Variants in TENM2 observed in about 807,000 individuals in gnomAD.
The protein encoded by TENM2 is teneurin transmembrane protein 2, also known as teneurin-2.
TENM2 carries 52 observed loss-of-function variants against 245.2 expected under a neutral mutation model. The ratio of observed to expected loss-of-function variants is 0.21; its 90% CI spans 0.17 to 0.27. TENM2 has a LOEUF of 0.27. Among genes scored for constraint, TENM2 ranks in the 10% least tolerant of loss-of-function variants. The probability of loss-of-function intolerance (pLI) is 1.00; values close to 1 mark genes in which losing one functional copy is unlikely to be tolerated. For missense variants in TENM2, 3,046 were observed against 3,666.8 expected (o/e 0.83, Z 4.37); for synonymous variants, 1,363 against 1,438.9 (o/e 0.95, Z 1.19).
intron 2 of TENM2, among the ~76,000 whole-genome samples, chr5:167,591,908 A>G (rs973526725): frequency 6.6e-6 from 1 of 152,226 alleles, no homozygotes. Context: ...ATGCTTTGCA[A>G]TTTACACATA....
rs1269930483 is a variant in TENM2, at chr5:168,236,939, CATATATATATATATATATATATAT to C, written c.5521-7442_5521-7419del. Among the ~76,000 whole-genome samples, 150 of 33,618 alleles carry C rather than the reference CATATATATATATATATATATATAT, an allele frequency of 4.5e-3. 1 individual carries two copies. The highest frequency in any genetic ancestry group is 0.011 in the South Asian group (5 of 436). 22.1% of individuals were successfully genotyped at this position (33,618 alleles called of 152,430 possible). A position where few individuals can be genotyped will look rare whatever the true frequency, so the allele number is the denominator to read the frequency against. ...ATTTTGAGACCACAGATGTCCTAAT[CATATATATATATATATATATATAT>C]ATATATATATATATATATATATATA... On this transcript the variant is annotated intron_variant, in intron 25 of 28. Coordinates refer to ENST00000518659, the Ensembl canonical transcript of TENM2.
chr5:167,459,786 C>T (rs530045490), intron 2 of TENM2, among the ~76,000 whole-genome samples: 1 of 152,174 alleles, frequency 6.6e-6, no homozygotes, highest in South Asian at 2.1e-4. Flanking sequence ...ACATTGAAAA[C>T]ATAACCAATG....
intron 9 of TENM2, among the ~76,000 whole-genome samples, chr5:168,117,342 G>T (rs980697567): frequency 6.6e-6 from 1 of 152,040 alleles, no homozygotes; most frequent in Non-Finnish European, 1.5e-5. Context: ...CACTTTGAAG[G>T]AGGCACAATG....
At chr5:168,231,770 C>CA (rs1384431419) in intron 25 of TENM2, among the ~76,000 whole-genome samples, 1 of 149,304 alleles carries the variant, frequency 6.7e-6, no homozygotes, top group East Asian at 2.0e-4. Context: ...CAACAAACAA[C>CA]AACAACAACC....
At chr5:167,629,810 T>A (rs1778745809) in intron 2 of TENM2, among the ~76,000 whole-genome samples, 1 of 151,962 alleles carries the variant, frequency 6.6e-6, no homozygotes, top group Non-Finnish European at 1.5e-5. Context: ...ACCCAGAGTG[T>A]GTTATAATCA....
At chr5:167,171,773 C>T in the TENM2 span, among the ~76,000 whole-genome samples, 2 of 152,108 alleles carry the variant, frequency 1.3e-5, no homozygotes, top group African/African-American at 4.8e-5. Context: ...TTCTCTTTTG[C>T]CTTCTGAACT....
the TENM2 span, among the ~76,000 whole-genome samples, chr5:167,175,277 A>G: frequency 1.3e-5 from 2 of 152,226 alleles, no homozygotes; most frequent in South Asian, 4.1e-4. Context: ...ATGCCCTGAG[A>G]TATGTTAACA....
chr5:167,125,517 C>G, the TENM2 span, among the ~76,000 whole-genome samples: 1 of 152,262 alleles, frequency 6.6e-6, no homozygotes, highest in Non-Finnish European at 1.5e-5. Context: ...CCTTATAGAG[C>G]CTATTTAACA....
chr5:167,147,419 T>A, the TENM2 span, among the ~76,000 whole-genome samples: 1 of 152,210 alleles, frequency 6.6e-6, no homozygotes, highest in African/African-American at 2.4e-5. Flanking sequence ...TGATGGCAGT[T>A]GAATTGGCAT....
At position 167,732,298 on chromosome 5, in the gene TENM2, A is replaced by AT. The variant is rs1481520163; in HGVS notation, c.503-143682dup. Among the ~76,000 whole-genome samples the AT allele has an allele frequency of 3.3e-5, 5 of 152,208 alleles. No homozygotes were observed. In the East Asian group the frequency reaches 5.8e-4, roughly 18 times the overall value. The stretch of plus-strand genomic sequence containing the variant: ...CTTATTTTAATTAGATTTCTTTTAG[A>AT]TTTTTTAAAGCTGTCCAGGGAGAAA... On this transcript the variant is annotated intron_variant, in intron 2 of 28. Transcript: ENST00000518659.
intron 2 of TENM2, among the ~76,000 whole-genome samples, chr5:167,784,741 AG>A (rs1561778382): frequency 1.3e-5 from 2 of 152,204 alleles, no homozygotes; most frequent in Non-Finnish European, 2.9e-5. Context: ...TTCCAAAAAG[AG>A]GTGAAAAAAA....
chr5:168,234,511 G>A lies in TENM2; in HGVS notation c.5520+6381G>A, dbSNP rs529791721. Among the ~76,000 whole-genome samples the A allele has an allele frequency of 3.3e-5, 5 of 152,272 alleles. No individual in the cohort carries two copies. In the South Asian group the frequency reaches 1.0e-3, roughly 32 times the overall value. On this transcript the variant is annotated intron_variant, in intron 25 of 28. Coordinates refer to ENST00000518659, the Ensembl canonical transcript of TENM2. The stretch of plus-strand genomic sequence containing the variant: ...TTAAAATATAAATATCCCAAATATA[G>A]TCTACATCCTCCATCCCTCCGAAGC...
At chr5:167,879,388 G>C (rs759150577) in intron 3 of TENM2, among the ~76,000 whole-genome samples, 21 of 152,110 alleles carry the variant, frequency 1.4e-4, no homozygotes, top group African/African-American at 5.1e-4. Flanking sequence ...GAGCTCCAGC[G>C]AGTGGCTCAT....
chr5:167,923,893 C>T (rs1473347105), intron 3 of TENM2, among the ~76,000 whole-genome samples: 1 of 151,928 alleles, frequency 6.6e-6, no homozygotes, highest in Non-Finnish European at 1.5e-5. Flanking sequence ...GGTGCATGTG[C>T]GTTGAAATAA....
chr5:168,145,594 T>G (rs1026942023), intron 12 of TENM2, among the ~76,000 whole-genome samples: 19 of 151,856 alleles, frequency 1.3e-4, no homozygotes, highest in Admixed American at 1.2e-3. Context: ...CCTTGTAGTA[T>G]AGTTTGAAGT....
chr5:167,868,460 C>T (rs983695878), intron 2 of TENM2, among the ~76,000 whole-genome samples: 12 of 151,590 alleles, frequency 7.9e-5, no homozygotes, highest in South Asian at 2.1e-4. Flanking sequence ...AGATGCTGAC[C>T]GGGTGCAGTG....
chr5:167,030,925 G>C, the TENM2 span, among the ~76,000 whole-genome samples: 1 of 152,142 alleles, frequency 6.6e-6, no homozygotes, highest in Admixed American at 6.5e-5. Flanking sequence ...CTTCATCCAG[G>C]TCCATGTAGC....
intron 2 of TENM2, among the ~76,000 whole-genome samples, chr5:167,621,228 A>T (rs1778153227): frequency 1.3e-5 from 2 of 152,192 alleles, no homozygotes; most frequent in African/African-American, 4.8e-5. Flanking sequence ...TGAATGAATA[A>T]GAACATTTCA....
At chr5:167,056,256 C>T in the TENM2 span, among the ~76,000 whole-genome samples, 7 of 151,672 alleles carry the variant, frequency 4.6e-5, no homozygotes, top group Non-Finnish European at 1.0e-4. Context: ...ATACTGGCAA[C>T]AAATTCCCTC....
Sources: gnomAD v4.1 joint callset for allele counts (sites outside exome capture counted in the v4.1 genomes callset) on GRCh38, gnomAD v4.1.1 for gene constraint, MANE v1.5 for transcripts, NCBI Gene and HGNC (gene_info 2026-07-23, HGNC 2026-07-21) for gene names.